Variants in BTD observed in about 807,000 individuals in gnomAD.
BTD encodes the protein biocytinase.
A neutral mutation model predicts 17.7 loss-of-function variants in BTD; 13 were observed. That is an observed-to-expected ratio of 0.74 (90% confidence interval 0.48 to 1.17). The LOEUF (loss-of-function observed/expected upper bound fraction) is 1.17. Ranked by LOEUF, BTD falls within the 50% of genes most tolerant of loss-of-function variation. The pLI is 0.00. For missense variants in BTD, 674 were observed against 650.4 expected (o/e 1.04, Z -0.39); for synonymous variants, 240 against 245.2 (o/e 0.98, Z 0.20).
At chr3:15,630,266 C>G (rs1158516419) in intron 1 of BTD, 2 of 201,884 alleles carry the variant, frequency 9.9e-6, no homozygotes, top group Non-Finnish European at 1.8e-5. Context: ...TTAAGAATGG[C>G]TCTGCTATTG....
At chr3:15,698,312 C>T (rs950961092) in intron 3 of BTD, among the ~76,000 whole-genome samples, 2 of 152,140 alleles carry the variant, frequency 1.3e-5, no homozygotes, top group Admixed American at 1.3e-4. Flanking sequence ...TGGAAGCATT[C>T]CCTTTGAAAA....
At position 15,645,201 on chromosome 3, in the gene BTD, G is replaced by A; in HGVS notation, c.1285G>A (p.Val429Ile). ...ALGVFDGLHT[V>I]HGTYYIQVCA... Reference sequence around the variant, plus strand: ...GGGGGTCTTTGATGGGCTTCACACAGTACATGGCACTTACTACATCCAAGT... The same window carrying A: ...GGGGGTCTTTGATGGGCTTCACACAATACATGGCACTTACTACATCCAAGT... The change falls in exon 4 of 4, where the codon GTA becomes ATA. Residue 429 changes from valine to isoleucine, a missense_variant. Transcript: ENST00000643237. 6.2e-7 allele frequency: 1 copy of A among 1,614,182 alleles called. No individual in the cohort carries two copies. Among genetic ancestry groups the A allele is most frequent in the Non-Finnish European group, 8.5e-7 (1 of 1,180,022 alleles).
At position 15,644,900 on chromosome 3, in the gene BTD, G is replaced by A. The variant is rs2065649627; in HGVS notation, c.984G>A (p.Glu328=). Residue 328 remains glutamate, a synonymous_variant, in exon 4 of 4, where the codon GAG becomes GAA. Coordinates refer to ENST00000643237, the MANE Select transcript of BTD (RefSeq NM_001370658.1). ...ATCCAGTGGGTCTCATTGGTGCAGA[G>A]AATGCAACAGGTGAAACGGACCCAT... ...AKNPVGLIGA[E]NATGETDPSH... is the part of the protein sequence containing the mutation. 1 of 1,614,014 alleles carries A rather than the reference G, an allele frequency of 6.2e-7. No individual in the cohort carries two copies. Among genetic ancestry groups the A allele is most frequent in the Non-Finnish European group, 8.5e-7 (1 of 1,180,044 alleles).
intron 3 of BTD, among the ~76,000 whole-genome samples, chr3:15,709,936 C>T (rs1339037451): frequency 6.6e-6 from 1 of 151,924 alleles, no homozygotes; most frequent in Non-Finnish European, 1.5e-5. Context: ...TATTGGCACA[C>T]TGAGGAAATA....
intron 3 of BTD, among the ~76,000 whole-genome samples, chr3:15,672,908 T>C (rs924890818): frequency 1.3e-5 from 2 of 152,214 alleles, no homozygotes; most frequent in African/African-American, 2.4e-5. Flanking sequence ...CCCAAGTAGC[T>C]AGGATTACAG....
intron 3 of BTD, chr3:15,697,233 G>C (rs2069734800): frequency 6.5e-6 from 1 of 152,728 alleles, no homozygotes; most frequent in Non-Finnish European, 1.5e-5. Context: ...TGGGAGCTAT[G>C]AGGAGACGCG....
intron 1 of BTD, among the ~76,000 whole-genome samples, chr3:15,624,676 A>G (rs958259023): frequency 1.3e-5 from 2 of 151,228 alleles, no homozygotes; most frequent in African/African-American, 4.9e-5. Flanking sequence ...TTTATTTTAA[A>G]TTGCTAGTCT....
rs183509992 is a variant in BTD, at chr3:15,615,043, G to A, written c.-17+13149G>A. On this transcript the variant is annotated intron_variant, in intron 1 of 3. Transcript: ENST00000643237. Reference sequence around the variant, plus strand: ...TTTTGCTGTATTCTTTAACTTTCTTGCATAATATTTGCTTCCTTGTGTGTT... The same window carrying A: ...TTTTGCTGTATTCTTTAACTTTCTTACATAATATTTGCTTCCTTGTGTGTT... 3.3e-5 allele frequency among the ~76,000 whole-genome samples: 5 copies of A among 152,178 alleles called. No homozygotes were observed. In the East Asian group the frequency reaches 9.6e-4, roughly 29 times the overall value.
chr3:15,641,986 G>A lies in BTD; in HGVS notation c.328G>A (p.Asp110Asn). Residue 110 changes from aspartate (D) to asparagine (N), a missense_variant, in exon 3 of 4, where the codon GAC (aspartate) becomes AAC (asparagine). Coordinates refer to ENST00000643237, the MANE Select transcript of BTD (RefSeq NM_001370658.1). ...FTRTSIYPFLDFMPSPQVVRW... is the reference protein window; with the variant it reads ...FTRTSIYPFLNFMPSPQVVRW... ...AAGAACATCCATTTATCCATTTTTGGACTTCATGCCGTCTCCCCAGGTGGT... is the reference window on the plus strand; with the variant it reads ...AAGAACATCCATTTATCCATTTTTGAACTTCATGCCGTCTCCCCAGGTGGT... 1.2e-6 allele frequency: 2 copies of A among 1,614,090 alleles called. No individual in the cohort carries two copies. Among genetic ancestry groups the A allele is most frequent in the Non-Finnish European group, 1.7e-6 (2 of 1,180,004 alleles).
In BTD at chr3:15,651,213, G is replaced by A. The variant is rs965826816; in HGVS notation, c.*5725G>A. ...GAACACTGGGACAGCGTTACCAGGG[G>A]AAGGGGAGTGGGATATAGTTGGGCC... On this transcript the variant is annotated 3_prime_UTR_variant, in exon 4 of 4. Transcript: ENST00000643237. 2.0e-5 allele frequency among the ~76,000 whole-genome samples: 3 copies of A among 152,232 alleles called. No homozygotes were observed. The highest frequency in any genetic ancestry group is 4.4e-5 in the Non-Finnish European group (3 of 68,036).
chr3:15,657,074 A>G (rs541101327), downstream of BTD, among the ~76,000 whole-genome samples: 2 of 152,320 alleles, frequency 1.3e-5, no homozygotes, highest in South Asian at 2.1e-4. Flanking sequence ...GTCTTTCAGC[A>G]TGCTGGTCTG....
chr3:15,684,973 G>T (rs995087006), intron 3 of BTD: 12 of 459,952 alleles, frequency 2.6e-5, no homozygotes, highest in African/African-American at 2.4e-4. Flanking sequence ...AAAAAGAAAA[G>T]AAAAGAAAAG....
intron 1 of BTD, among the ~76,000 whole-genome samples, chr3:15,627,977 C>G (rs1205121799): frequency 7.9e-5 from 12 of 152,236 alleles, no homozygotes; most frequent in Admixed American, 7.9e-4. Context: ...CCACCTTGGC[C>G]TCCCAAAGTG....
exon 4 of BTD, among the ~76,000 whole-genome samples, chr3:15,711,510 G>A (rs1211629208): frequency 6.6e-6 from 1 of 152,160 alleles, no homozygotes; most frequent in Non-Finnish European, 1.5e-5. Flanking sequence ...ATTATATTAA[G>A]TGAAACAAGC....
intron 3 of BTD, among the ~76,000 whole-genome samples, chr3:15,673,940 C>G (rs1454933408): frequency 2.6e-5 from 4 of 151,782 alleles, no homozygotes; most frequent in Admixed American, 2.0e-4. Context: ...CTCTGGGAGG[C>G]TGAGGTGGGG....
intron 3 of BTD, among the ~76,000 whole-genome samples, chr3:15,698,778 A>T (rs1056827274): frequency 1.3e-5 from 2 of 152,200 alleles, no homozygotes; most frequent in Non-Finnish European, 2.9e-5. Context: ...ATGCTCATGG[A>T]CAGGAAGAAT....
At chr3:15,721,413 C>T (rs2470520) in intron 4 of BTD, among the ~76,000 whole-genome samples, 74,975 of 151,938 alleles carry the variant, frequency 0.49, 20,467 homozygotes, top group Middle Eastern at 0.6. Flanking sequence ...TTCAGGGAAA[C>T]GTAAACTAAT....
rs183039257 is a variant in BTD at position 15,651,080 on chromosome 3, T to C, written c.*5592T>C. Among the ~76,000 whole-genome samples the C allele has an allele frequency of 1.4e-3, 210 of 152,330 alleles. 3 individuals are homozygous for C. Among genetic ancestry groups the C allele is most frequent in the Non-Finnish European group, 2.9e-4 (20 of 68,024 alleles). ...ACCGTACCCGGCCAGGGCTGTGATA[T>C]TCTGATCAGCCAGCACTGAGTCACA... On this transcript the variant is annotated 3_prime_UTR_variant, in exon 4 of 4. Transcript: ENST00000643237.
intron 3 of BTD, among the ~76,000 whole-genome samples, chr3:15,707,274 A>G (rs1158677566): frequency 6.6e-6 from 1 of 152,136 alleles, no homozygotes; most frequent in Non-Finnish European, 1.5e-5. Context: ...AAAAATATGT[A>G]TCAAGGTATT....
Sources: gnomAD v4.1 joint callset for allele counts (sites outside exome capture counted in the v4.1 genomes callset) on GRCh38, gnomAD v4.1.1 for gene constraint, MANE v1.5 for transcripts, NCBI Gene and HGNC (gene_info 2026-07-23, HGNC 2026-07-21) for gene names.